The following PARD3 variants were observed in gnomAD, a reference collection of about 807,000 sequenced individuals.
PARD3 encodes the protein partitioning defective 3 homolog.
In PARD3, 75 loss-of-function variants were observed where a neutral mutation model predicts 155.4. That is an observed-to-expected ratio of 0.48 (90% confidence interval 0.40 to 0.58). The LOEUF (loss-of-function observed/expected upper bound fraction) is 0.58. Among genes scored for constraint, PARD3 ranks in the 20% least tolerant of loss-of-function variants. PARD3 has a pLI of 0.00. For missense variants in PARD3, 1,642 were observed against 1,721.7 expected (o/e 0.95, Z 0.82); for synonymous variants, 576 against 610.5 (o/e 0.94, Z 0.83).
intron 1 of PARD3, among the ~76,000 whole-genome samples, chr10:34,813,554 G>A (rs1252889286): frequency 6.6e-6 from 1 of 152,142 alleles, no homozygotes. Context: ...AGCTACTAAA[G>A]CCAACGTCTT....
intron 5 of PARD3, among the ~76,000 whole-genome samples, chr10:34,449,367 G>A (rs1410599957): frequency 6.9e-6 from 1 of 145,764 alleles, no homozygotes; most frequent in African/African-American, 2.5e-5. Context: ...AAAACACTGG[G>A]ATTCCCTACT....
At chr10:34,526,080 CAAAAAAAAA>C (rs765686445) in intron 2 of PARD3, among the ~76,000 whole-genome samples, 34 of 51,828 alleles carry the variant, frequency 6.6e-4, no homozygotes, top group East Asian at 1.7e-3. Context: ...GACTCCGTAT[CAAAAAAAAA>C]AAAAAAAAAA....
At chr10:34,757,846 G>A (rs1836948589) in intron 1 of PARD3, among the ~76,000 whole-genome samples, 1 of 152,178 alleles carries the variant, frequency 6.6e-6, no homozygotes, top group Non-Finnish European at 1.5e-5. Context: ...ATAAAATTCA[G>A]AGTAAACGAT....
chr10:34,553,882 G>C (rs937904342), intron 2 of PARD3, among the ~76,000 whole-genome samples: 1 of 152,178 alleles, frequency 6.6e-6, no homozygotes, highest in Non-Finnish European at 1.5e-5. Flanking sequence ...GGCATCTTGA[G>C]GCTCTGATAA....
chr10:34,209,265 C>A (rs1951625037), intron 22 of PARD3, among the ~76,000 whole-genome samples: 1 of 152,118 alleles, frequency 6.6e-6, no homozygotes, highest in African/African-American at 2.4e-5. Flanking sequence ...GGAAATTTCT[C>A]ATCAAAAATC....
chr10:34,658,004 G>A (rs2093223947), intron 2 of PARD3, among the ~76,000 whole-genome samples: 2 of 152,016 alleles, frequency 1.3e-5, no homozygotes, highest in African/African-American at 4.8e-5. Context: ...AAATTAGCCG[G>A]GCGTGGTTGC....
intron 1 of PARD3, among the ~76,000 whole-genome samples, chr10:34,777,003 A>ATTTTTTTTTT (rs758917237): frequency 5.1e-4 from 63 of 122,394 alleles, no homozygotes; most frequent in Non-Finnish European, 5.9e-4. Context: ...TGTCTGGCTA[A>ATTTTTTTTTT]TTTTTTTTTT....
intron 1 of PARD3, among the ~76,000 whole-genome samples, chr10:34,725,157 G>GTGAC (rs1322549973): frequency 0.072 from 3,741 of 52,302 alleles, 60 homozygotes; most frequent in Non-Finnish European, 0.13. Context: ...GTGTGACAGA[G>GTGAC]AGAGAGAGAG....
intron 12 of PARD3, among the ~76,000 whole-genome samples, chr10:34,365,242 T>C (rs768612498): frequency 1.3e-5 from 2 of 152,196 alleles, no homozygotes; most frequent in Non-Finnish European, 2.9e-5. Context: ...TAGCTAAAAA[T>C]TGACATGTAT....
At chr10:34,745,574 C>T (rs1314677391) in intron 1 of PARD3, among the ~76,000 whole-genome samples, 1 of 152,094 alleles carries the variant, frequency 6.6e-6, no homozygotes, top group Non-Finnish European at 1.5e-5. Context: ...CACTCCAGGG[C>T]TTTGGGCATG....
chr10:34,125,009 G>T (rs978192076), intron 23 of PARD3, among the ~76,000 whole-genome samples: 1 of 152,032 alleles, frequency 6.6e-6, no homozygotes, highest in Non-Finnish European at 1.5e-5. Context: ...ACAGTACAGA[G>T]GCTCTCTCCA....
At chr10:34,440,454 G>A (rs967481248) in intron 5 of PARD3, among the ~76,000 whole-genome samples, 3 of 152,176 alleles carry the variant, frequency 2.0e-5, no homozygotes, top group African/African-American at 7.2e-5. Flanking sequence ...AAGACTGCCT[G>A]CAATGAAAAT....
intron 5 of PARD3, among the ~76,000 whole-genome samples, chr10:34,412,861 G>C (rs1845231424): frequency 6.6e-6 from 1 of 151,954 alleles, no homozygotes; most frequent in Non-Finnish European, 1.5e-5. Context: ...ACAATTTTTA[G>C]AAAAATGATT....
At chr10:34,501,459 A>G (rs1413368978) in intron 3 of PARD3, among the ~76,000 whole-genome samples, 2 of 152,164 alleles carry the variant, frequency 1.3e-5, no homozygotes, top group African/African-American at 4.8e-5. Context: ...CCTGCAGAAC[A>G]GTGAGCCAAT....
intron 2 of PARD3, among the ~76,000 whole-genome samples, chr10:34,589,721 T>C (rs1410931515): frequency 2.1e-5 from 3 of 142,150 alleles, no homozygotes; most frequent in African/African-American, 5.2e-5. Flanking sequence ...CATTGTATCT[T>C]GTTAATCCTG....
At chr10:34,666,816 T>TGTATATATATATATATATACAC (rs1554804683) in intron 2 of PARD3, among the ~76,000 whole-genome samples, 31 of 88,766 alleles carry the variant, frequency 3.5e-4, no homozygotes, top group Non-Finnish European at 8.1e-5. Flanking sequence ...TATATATATA[T>TGTATATATATATATATATACAC]ACACACACAC....
chr10:34,750,854 A>G (rs920862112), intron 1 of PARD3, among the ~76,000 whole-genome samples: 2 of 151,854 alleles, frequency 1.3e-5, no homozygotes, highest in African/African-American at 4.8e-5. Flanking sequence ...ACACTCAGCT[A>G]GTTTTTGTAT....
At chr10:34,641,225 T>C (rs2092669693) in intron 2 of PARD3, among the ~76,000 whole-genome samples, 1 of 152,138 alleles carries the variant, frequency 6.6e-6, no homozygotes, top group African/African-American at 2.4e-5. Context: ...GATAATGAAC[T>C]CTTACTTGAA....
chr10:34,418,982 C>A (rs1316801686), intron 5 of PARD3, among the ~76,000 whole-genome samples: 1 of 152,032 alleles, frequency 6.6e-6, no homozygotes, highest in Non-Finnish European at 1.5e-5. Flanking sequence ...TGCTGCCCAG[C>A]CCAGGCAGGT....
Sources: allele counts gnomAD v4.1 joint callset (sites outside exome capture counted in the v4.1 genomes callset), GRCh38; gene constraint gnomAD v4.1.1; transcripts MANE v1.5; gene names NCBI Gene and HGNC (gene_info 2026-07-23, HGNC 2026-07-21).